Variants in DGKH observed in about 807,000 individuals in gnomAD.
The protein encoded by DGKH is diacylglycerol kinase eta.
In DGKH, 90 loss-of-function variants were observed where a neutral mutation model predicts 159.3. The observed-to-expected ratio is 0.57, with a 90% CI of 0.48 to 0.67. The LOEUF is 0.67. DGKH is among the 30% of genes least tolerant of loss of function. The pLI is 0.00. For missense variants in DGKH, 1,181 were observed against 1,506.1 expected, an observed-to-expected ratio of 0.78 and a Z score of 3.57; for synonymous variants, 536 against 553.8, an observed-to-expected ratio of 0.97 and a Z score of 0.45.
In DGKH at chr13:42,252,942, A is replaced by G. The variant is rs142053467; in HGVS notation, n.4127+461A>G. Among the ~76,000 whole-genome samples the G allele has an allele frequency of 8.4e-3, 1,271 of 152,138 alleles. 16 individuals carry two copies. The highest frequency in any genetic ancestry group is 0.029 in the African/African-American group (1,208 of 41,514). On this transcript the variant is annotated intron_variant and non_coding_transcript_variant, in intron 30 of 30. Coordinates refer to the DGKH transcript ENST00000498255. ...TTTGTATTTTTAGTAGAGACAGGGTATCACTATGTTGGCCAGGTTGGTCTT... is the reference window on the plus strand; with the variant it reads ...TTTGTATTTTTAGTAGAGACAGGGTGTCACTATGTTGGCCAGGTTGGTCTT...
chr13:42,146,170 T>G (rs1955725757), intron 3 of DGKH, among the ~76,000 whole-genome samples: 1 of 111,768 alleles, frequency 8.9e-6, no homozygotes, highest in Non-Finnish European at 2.0e-5. Flanking sequence ...TTTTTTTTTG[T>G]ACAGGTAAAG....
chr13:42,107,238 G>T (rs888307607), intron 1 of DGKH, among the ~76,000 whole-genome samples: 1 of 152,226 alleles, frequency 6.6e-6, no homozygotes, highest in Non-Finnish European at 1.5e-5. Context: ...TCCAGGGCGG[G>T]GGTGTGCATT....
rs1958449679 is a variant in DGKH, at chr13:42,237,902, A to C, written c.*8714A>C. On this transcript the variant is annotated 3_prime_UTR_variant, in exon 30 of 30. Coordinates refer to ENST00000337343, the MANE Select transcript of DGKH (RefSeq NM_178009.5). ...TCTTAAACTTGCTAAGCCTTTCTTA[A>C]ACTTGCCAAGTATTAGCAATGATAA... The C allele has an allele frequency of 6.6e-6, 1 of 152,220 alleles. No individual in the cohort carries two copies. The highest frequency in any genetic ancestry group is 2.4e-5 in the African/African-American group (1 of 41,454). The allele number at this position is 152,220 out of a possible 1,614,324, so 9.4% of individuals were successfully genotyped here.
intron 12 of DGKH, among the ~76,000 whole-genome samples, chr13:42,177,063 TA>T (rs1956621841): frequency 6.6e-6 from 1 of 152,234 alleles, no homozygotes; most frequent in African/African-American, 2.4e-5. Flanking sequence ...TATTGAATTA[TA>T]CATACAGAAG....
At chr13:42,144,817 A>G (rs776391382) in intron 3 of DGKH, among the ~76,000 whole-genome samples, 2 of 152,236 alleles carry the variant, frequency 1.3e-5, no homozygotes, top group Non-Finnish European at 2.9e-5. Flanking sequence ...TATACCTCAC[A>G]GATTTTGGTT....
At chr13:42,192,775 C>T (rs1017742775) in intron 16 of DGKH, among the ~76,000 whole-genome samples, 1 of 152,126 alleles carries the variant, frequency 6.6e-6, no homozygotes, top group African/African-American at 2.4e-5. Context: ...GGTTTCTCTA[C>T]CAGTTTTTAA....
Position 42,203,924 on chromosome 13 carries a change from A to G in DGKH, c.2494-2115A>G, listed in dbSNP as rs114174896. On this transcript the variant is annotated intron_variant, in intron 20 of 29. Transcript: ENST00000337343. ...AACACTCCTGAAGTTTTTCCTGGAT[A>G]TGAGAAACTTTTAAATCATGTGAAT... Among the ~76,000 whole-genome samples the G allele has an allele frequency of 9.1e-3, 1,385 of 152,344 alleles. 23 individuals are homozygous for G. The highest frequency in any genetic ancestry group is 0.031 in the African/African-American group (1,277 of 41,586).
In DGKH at chr13:42,210,768, A is replaced by G; in HGVS notation, c.3014+3A>G. The G allele has an allele frequency of 6.2e-7, 1 of 1,608,680 alleles. No homozygotes were observed. Among genetic ancestry groups the G allele is most frequent in the South Asian group, 1.1e-5 (1 of 89,994 alleles). On this transcript the variant is annotated splice_donor_region_variant and intron_variant, in intron 24 of 29. Coordinates refer to ENST00000337343, the MANE Select transcript of DGKH (RefSeq NM_178009.5). ...GCTGCAGAGGAGCTCATTACTAGGT[A>G]GGGGGCTCTGCTGACTTTTCAGGCT... is the stretch of plus-strand genomic sequence containing the variant.
chr13:42,048,102 G>A (rs895863718), upstream of DGKH, among the ~76,000 whole-genome samples: 2 of 133,958 alleles, frequency 1.5e-5, no homozygotes, highest in Non-Finnish European at 1.6e-5. This position sits in a 1 kb window ranked among gnomAD's most constrained non-coding sequence, Gnocchi z 6.7. Flanking sequence ...GGCGGGAGAG[G>A]TACGGTCCTC....
intron 3 of DGKH, among the ~76,000 whole-genome samples, chr13:42,142,439 A>C (rs1241652864): frequency 1.3e-5 from 2 of 151,240 alleles, no homozygotes; most frequent in African/African-American, 4.9e-5. Context: ...GAAGAAAGTC[A>C]TTGGTAGCTT....
At chr13:42,054,924 G>C (rs1026740906) in intron 1 of DGKH, among the ~76,000 whole-genome samples, 1 of 152,104 alleles carries the variant, frequency 6.6e-6, no homozygotes, top group Non-Finnish European at 1.5e-5. Flanking sequence ...TGTCATTGTA[G>C]CATAAAACAG....
chr13:42,200,961 G>A (rs1170099), intron 20 of DGKH, among the ~76,000 whole-genome samples: 140,794 of 152,116 alleles, frequency 0.93, 65,455 homozygotes, highest in Non-Finnish European at 0.97. Flanking sequence ...TTTTCTTCAT[G>A]TACCCCGGTT....
rs1044864867 is a variant in DGKH at position 42,099,528 on chromosome 13, A to T, written c.193-27935A>T. 3.9e-5 allele frequency among the ~76,000 whole-genome samples: 6 copies of T among 152,186 alleles called. 1 individual carries two copies. ...GAGAGAGCAGGGGGTATTTGGGCAT[A>T]GTTCAGTGTCTCTGAAGTGTGAATG... On this transcript the variant is annotated intron_variant, in intron 1 of 29. Coordinates refer to ENST00000337343, the MANE Select transcript of DGKH (RefSeq NM_178009.5).
At chr13:42,196,981 T>A (rs1279476749) in intron 17 of DGKH, among the ~76,000 whole-genome samples, 1 of 152,068 alleles carries the variant, frequency 6.6e-6, no homozygotes, top group Non-Finnish European at 1.5e-5. Flanking sequence ...TGGCTGGGCG[T>A]GGTGGCTCAC....
At chr13:42,199,055 G>A (rs1235070277) in intron 18 of DGKH, among the ~76,000 whole-genome samples, 1 of 151,944 alleles carries the variant, frequency 6.6e-6, no homozygotes, top group Non-Finnish European at 1.5e-5. Flanking sequence ...TTTTGCTTTT[G>A]TTATATCATT....
intron 1 of DGKH, among the ~76,000 whole-genome samples, chr13:42,043,035 G>A (rs1312605329): frequency 1.3e-5 from 2 of 152,172 alleles, no homozygotes; most frequent in Non-Finnish European, 2.9e-5. Context: ...GATTAAATAT[G>A]TTTTGAAGGG....
At chr13:42,171,203 AAT>A (rs1308820878) in intron 11 of DGKH, among the ~76,000 whole-genome samples, 1 of 152,192 alleles carries the variant, frequency 6.6e-6, no homozygotes, top group Non-Finnish European at 1.5e-5. Flanking sequence ...AGAGATAGCT[AAT>A]ATTGCCATCT....
At chr13:42,046,315 C>T (rs1481294423), upstream of DGKH, among the ~76,000 whole-genome samples, 1 of 152,186 alleles carries the variant, frequency 6.6e-6, no homozygotes, top group Non-Finnish European at 1.5e-5. Flanking sequence ...GAGACCTTGA[C>T]CTTGTAATAC....
intron 1 of DGKH, chr13:42,071,166 A>G (rs1371795699): frequency 5.4e-6 from 3 of 558,940 alleles, no homozygotes; most frequent in African/African-American, 3.8e-5. Flanking sequence ...AACTGGCATC[A>G]AAAGGAAAGA....
Sources: gnomAD v4.1 joint callset for allele counts (sites outside exome capture counted in the v4.1 genomes callset) on GRCh38, gnomAD v4.1.1 for gene constraint, Gnocchi (gnomAD v3.1) non-coding constraint, MANE v1.5 for transcripts, NCBI Gene and HGNC (gene_info 2026-07-23, HGNC 2026-07-21) for gene names.